SEMA4D: variants seen among roughly 807,000 people sequenced by gnomAD.
SEMA4D encodes the protein semaphorin 4D.
Under a neutral mutation model 74.8 loss-of-function variants are expected in SEMA4D, and 22 were observed. The ratio of observed to expected loss-of-function variants is 0.29; its 90% CI spans 0.21 to 0.42. The LOEUF (loss-of-function observed/expected upper bound fraction) is 0.42. Ranked by LOEUF, SEMA4D falls within the 10% of genes least tolerant of loss-of-function variation. SEMA4D has a pLI of 1.00. For missense variants in SEMA4D, 937 were observed against 1,118.4 expected, an observed-to-expected ratio of 0.84 and a Z score of 2.31; for synonymous variants, 445 against 463.7, an observed-to-expected ratio of 0.96 and a Z score of 0.52.
At chr9:89,427,847 G>T (rs1342769656) in intron 2 of SEMA4D, among the ~76,000 whole-genome samples, 1 of 152,168 alleles carries the variant, frequency 6.6e-6, no homozygotes, top group Non-Finnish European at 1.5e-5. Context: ...GGGAGGAGCT[G>T]GTGAGTCACT....
At chr9:89,450,922 C>T (rs1345630709) in intron 2 of SEMA4D, among the ~76,000 whole-genome samples, 4 of 152,138 alleles carry the variant, frequency 2.6e-5, no homozygotes, top group African/African-American at 9.7e-5. Context: ...CAACCAGCTC[C>T]ATCTGACTCT....
At chr9:89,483,182 G>C (rs1407739922) in intron 1 of SEMA4D, among the ~76,000 whole-genome samples, 1 of 152,242 alleles carries the variant, frequency 6.6e-6, no homozygotes, top group Non-Finnish European at 1.5e-5. Context: ...CAGCCCCACA[G>C]AACATCCAGG....
intron 2 of SEMA4D, chr9:89,449,881 T>C: frequency 1.3e-6 from 2 of 1,492,386 alleles, no homozygotes; most frequent in African/African-American, 1.4e-5. Context: ...TTGGTAAAAA[T>C]TGACCTTGGG....
At chr9:89,404,202 T>G (rs540049674) in intron 3 of SEMA4D, among the ~76,000 whole-genome samples, 1 of 152,248 alleles carries the variant, frequency 6.6e-6, no homozygotes, top group Non-Finnish European at 1.5e-5. Context: ...GTAGCTGGCA[T>G]GAGGCTCAGC....
At chr9:89,434,037 G>A (rs1027381189) in intron 2 of SEMA4D, among the ~76,000 whole-genome samples, 2 of 152,214 alleles carry the variant, frequency 1.3e-5, no homozygotes, top group Non-Finnish European at 2.9e-5. Flanking sequence ...CCGCTCTGGG[G>A]AGAGATGCTG....
At chr9:89,459,052 C>T (rs1039496606) in intron 1 of SEMA4D, among the ~76,000 whole-genome samples, 4 of 152,238 alleles carry the variant, frequency 2.6e-5, no homozygotes, top group African/African-American at 9.6e-5. Flanking sequence ...CATTCCCACC[C>T]ACTCACACGC....
At chr9:89,391,669 A>C (rs975128671) in intron 8 of SEMA4D, among the ~76,000 whole-genome samples, 1 of 152,240 alleles carries the variant, frequency 6.6e-6, no homozygotes, top group Non-Finnish European at 1.5e-5. Context: ...TCTGCAGTGC[A>C]TCCCACCCAG....
chr9:89,384,887 G>C (rs777168762), intron 13 of SEMA4D: 1 of 985,272 alleles, frequency 1.0e-6, no homozygotes, highest in African/African-American at 1.7e-5. Context: ...CCCCCACCTG[G>C]AGCCTACTGA....
intron 2 of SEMA4D, among the ~76,000 whole-genome samples, chr9:89,419,929 A>G (rs1372664279): frequency 6.1e-4 from 93 of 152,300 alleles, no homozygotes; most frequent in Non-Finnish European, 2.9e-5. Flanking sequence ...AAAAAACAAA[A>G]AAACACCTGA....
intron 13 of SEMA4D, chr9:89,385,531 T>A: frequency 2.0e-6 from 2 of 985,364 alleles, no homozygotes; most frequent in Non-Finnish European, 2.4e-6. Context: ...ACCCAGTGGC[T>A]TATAACTTGC....
Position 89,489,862 on chromosome 9 carries a change from C to T in SEMA4D, c.-310+8057G>A, listed in dbSNP as rs376975063. On this transcript the variant is annotated intron_variant, in intron 1 of 15. Transcript: ENST00000422704. ...TGCTTTCAATTCTTTTAGGTATATA[C>T]GTAGGAGTGGGAGTGCTAGGTCATA... Among the ~76,000 whole-genome samples, 14 of 152,274 alleles carry T rather than the reference C, an allele frequency of 9.2e-5. No individual in the cohort carries two copies. The East Asian group carries it at 1.2e-3, about 13-fold the overall frequency.
intron 18 of SEMA4D, chr9:89,363,327 T>TG: frequency 4.6e-6 from 7 of 1,513,154 alleles, no homozygotes; most frequent in Non-Finnish European, 6.2e-6. Context: ...AGGGAACAAG[T>TG]GGGGTCCATG....
intron 13 of SEMA4D, chr9:89,385,838 A>C: frequency 1.1e-6 from 1 of 912,192 alleles, no homozygotes; most frequent in Non-Finnish European, 1.3e-6. Context: ...AGGGCCAGGG[A>C]GGCAGCCCCC....
chr9:89,422,087 A>T (rs1180662051), intron 2 of SEMA4D, among the ~76,000 whole-genome samples: 1 of 152,234 alleles, frequency 6.6e-6, no homozygotes, highest in Non-Finnish European at 1.5e-5. Flanking sequence ...ATTGCTGACG[A>T]TCTCTAAAAA....
At chr9:89,468,438 C>T (rs1216960791) in intron 1 of SEMA4D, among the ~76,000 whole-genome samples, 1 of 152,100 alleles carries the variant, frequency 6.6e-6, no homozygotes, top group Admixed American at 6.5e-5. Context: ...GACAACAGAG[C>T]GTTCAGAAGG....
At chr9:89,433,259 G>A (rs1025184677) in intron 2 of SEMA4D, among the ~76,000 whole-genome samples, 1 of 152,146 alleles carries the variant, frequency 6.6e-6, no homozygotes, top group Non-Finnish European at 1.5e-5. Flanking sequence ...CCCCATGAGT[G>A]CAACTGCAGA....
chr9:89,384,276 A>T (rs150641505), intron 13 of SEMA4D, among the ~76,000 whole-genome samples: 17 of 152,314 alleles, frequency 1.1e-4, no homozygotes, highest in Non-Finnish European at 1.6e-4. Flanking sequence ...AAAATGCGGG[A>T]CTCACAAAAT....
intron 2 of SEMA4D, among the ~76,000 whole-genome samples, chr9:89,413,395 G>C (rs1249789363): frequency 1.3e-5 from 2 of 152,242 alleles, no homozygotes; most frequent in Non-Finnish European, 2.9e-5. Flanking sequence ...GGAGTACCCA[G>C]CAACCACTGT....
chr9:89,387,692 G>T (rs893926741), intron 11 of SEMA4D, 84 bp from the exon 12 acceptor site: 57 of 1,205,382 alleles, frequency 4.7e-5, no homozygotes, highest in Non-Finnish European at 6.4e-5. Context: ...AACGCAGGGG[G>T]GGCTGCAAAA....
Sources: allele counts gnomAD v4.1 joint callset (sites outside exome capture counted in the v4.1 genomes callset), GRCh38; gene constraint gnomAD v4.1.1; transcripts MANE v1.5; gene names NCBI Gene and HGNC (gene_info 2026-07-23, HGNC 2026-07-21).